The following CCDC15 variants were observed in gnomAD, a reference collection of about 807,000 sequenced individuals.
CCDC15 encodes the protein coiled-coil domain-containing protein 15.
CCDC15 carries 105 observed loss-of-function variants against 114.5 expected under a neutral mutation model. The observed-to-expected ratio is 0.92, with a 90% confidence interval of 0.78 to 1.08. The LOEUF is 1.08. Ranked by LOEUF, CCDC15 falls within the 50% of genes least tolerant of loss-of-function variation. The probability of loss-of-function intolerance (pLI) is 0.00; values close to 1 mark genes in which losing one functional copy is unlikely to be tolerated. For synonymous variants in CCDC15, 334 were observed against 377.8 expected (o/e 0.88, Z 1.34); for missense variants, 1,105 against 1,093.6 (o/e 1.01, Z -0.15).
At position 124,959,073 on chromosome 11, in the gene CCDC15, C is replaced by T. The variant is rs193251889; in HGVS notation, c.178-42C>T. ...TTTAAAACAGCCCTAATGGACAAAACTGCTAACATTTAAGTTCATTTTCTG... is the reference window on the plus strand; with the variant it reads ...TTTAAAACAGCCCTAATGGACAAAATTGCTAACATTTAAGTTCATTTTCTG... On this transcript the variant is annotated intron_variant, in intron 2 of 15. Coordinates refer to ENST00000344762, the MANE Select transcript of CCDC15 (RefSeq NM_025004.3). The T allele has an allele frequency of 2.2e-4, 314 of 1,438,114 alleles. 2 individuals carry two copies. The East Asian group carries it at 6.7e-3, about 31-fold the overall frequency. The allele number at this position is 1,438,114 out of a possible 1,614,324, so 89.1% of individuals were successfully genotyped here. A position where few individuals can be genotyped will look rare whatever the true frequency, so the allele number is the denominator to read the frequency against.
rs188194699 is a variant in CCDC15, at chr11:124,993,978, G to A, written c.2214+735G>A. 5.3e-3 allele frequency among the ~76,000 whole-genome samples: 802 copies of A among 152,292 alleles called. 6 individuals are homozygous for A. The highest frequency in any genetic ancestry group is 0.018 in the African/African-American group (747 of 41,554). ...GAAATTGAAGATTGCTTCGCAGGTA[G>A]AGTTAAGATCCAGAATGGTGACAAG... On this transcript the variant is annotated intron_variant, in intron 11 of 15. Transcript: ENST00000344762.
chr11:125,015,725 C>G (rs1948624762), intron 13 of CCDC15, among the ~76,000 whole-genome samples: 1 of 152,274 alleles, frequency 6.6e-6, no homozygotes, highest in Middle Eastern at 3.4e-3. Flanking sequence ...TGGAATATTT[C>G]TCAAATAAAG....
intron 13 of CCDC15, among the ~76,000 whole-genome samples, chr11:125,037,823 C>T (rs1434563533): frequency 2.6e-5 from 4 of 151,904 alleles, no homozygotes; most frequent in Non-Finnish European, 4.4e-5. Flanking sequence ...AGGGCAAATG[C>T]GGTCCCTGTT....
At chr11:124,989,534 T>A (rs1284699558) in intron 8 of CCDC15, among the ~76,000 whole-genome samples, 1 of 152,230 alleles carries the variant, frequency 6.6e-6, no homozygotes, top group Admixed American at 6.5e-5. Flanking sequence ...AGCCAGACAT[T>A]GACTTTTTCT....
At chr11:124,966,569 A>G (rs1262099620) in intron 4 of CCDC15, among the ~76,000 whole-genome samples, 2 of 152,020 alleles carry the variant, frequency 1.3e-5, no homozygotes, top group Non-Finnish European at 1.5e-5. Flanking sequence ...TGAATATAGC[A>G]CACTGATGGT....
intron 13 of CCDC15, among the ~76,000 whole-genome samples, chr11:125,024,427 T>C (rs1948681629): frequency 6.6e-6 from 1 of 152,136 alleles, no homozygotes; most frequent in Non-Finnish European, 1.5e-5. Flanking sequence ...ATTGAAATCT[T>C]AGCAATATTG....
rs201881820 is a variant in CCDC15, at chr11:124,954,917, T to C, written c.177+8T>C. The C allele has an allele frequency of 2.9e-4, 468 of 1,613,334 alleles. 3 individuals are homozygous for C. The Middle Eastern group carries it at 5.9e-3, about 20-fold the overall frequency. ...TCGGAAATCCCAGCATATGTGAGTG[T>C]CAGTTTGATCCAAATATGGTGGGGT... On this transcript the variant is annotated splice_region_variant and intron_variant, in intron 2 of 15. Coordinates refer to ENST00000344762, the MANE Select transcript of CCDC15 (RefSeq NM_025004.3).
intron 13 of CCDC15, among the ~76,000 whole-genome samples, chr11:125,032,597 C>T (rs1187826374): frequency 1.3e-5 from 2 of 152,184 alleles, no homozygotes; most frequent in Non-Finnish European, 1.5e-5. Context: ...GCAATTCCTC[C>T]AGGGATGCAA....
chr11:124,997,362 C>G (rs1948390885), intron 11 of CCDC15, among the ~76,000 whole-genome samples: 1 of 152,184 alleles, frequency 6.6e-6, no homozygotes, highest in South Asian at 2.1e-4. Flanking sequence ...ACAATCATAG[C>G]TCACTGAAGC....
chr11:125,040,950 C>A lies in CCDC15; in HGVS notation c.*239C>A. 1 of 444,344 alleles carries A rather than the reference C, an allele frequency of 2.3e-6. No individual in the cohort carries two copies. The highest frequency in any genetic ancestry group is 4.0e-6 in the Non-Finnish European group (1 of 248,568). 27.5% of individuals were successfully genotyped at this position (444,344 alleles called of 1,614,324 possible). A position where few individuals can be genotyped will look rare whatever the true frequency, so the allele number is the denominator to read the frequency against. The stretch of plus-strand genomic sequence containing the variant: ...GGAGCCTATTATTTTAAAATATGAT[C>A]AGACAAGTAAGGCTTCTCTTACTTT... On this transcript the variant is annotated 3_prime_UTR_variant, in exon 16 of 16. Coordinates refer to ENST00000344762, the MANE Select transcript of CCDC15 (RefSeq NM_025004.3).
At chr11:125,035,736 G>A (rs1948770609) in intron 13 of CCDC15, among the ~76,000 whole-genome samples, 1 of 151,934 alleles carries the variant, frequency 6.6e-6, no homozygotes, top group Non-Finnish European at 1.5e-5. Context: ...TGTGTTATCT[G>A]TTGTATGTTT....
intron 3 of CCDC15, 105 bp downstream of exon 3, chr11:124,959,369 A>G: frequency 2.2e-6 from 2 of 918,338 alleles, no homozygotes; most frequent in Non-Finnish European, 3.2e-6. Context: ...TTACATGCCT[A>G]ATATAATCTA....
intron 4 of CCDC15, among the ~76,000 whole-genome samples, chr11:124,970,760 AAC>A (rs1216847068): frequency 6.6e-6 from 1 of 152,216 alleles, no homozygotes; most frequent in African/African-American, 2.4e-5. Flanking sequence ...AGAAAATATG[AAC>A]AGTGTCCTAG....
intron 2 of CCDC15, among the ~76,000 whole-genome samples, chr11:124,955,539 C>G (rs1035800361): frequency 1.2e-4 from 19 of 152,154 alleles, no homozygotes; most frequent in African/African-American, 3.9e-4. Flanking sequence ...AGTGTGAGCT[C>G]CTTGAGCGTA....
intron 13 of CCDC15, among the ~76,000 whole-genome samples, chr11:125,020,021 C>T (rs1336054941): frequency 2.0e-5 from 3 of 151,868 alleles, no homozygotes; most frequent in Non-Finnish European, 4.4e-5. Context: ...AGTCACCCTA[C>T]TCTGCTATGA....
chr11:124,980,834 GTTCTTCTAGT>G (rs1476031746), intron 6 of CCDC15, among the ~76,000 whole-genome samples: 1 of 152,032 alleles, frequency 6.6e-6, no homozygotes, highest in Non-Finnish European at 1.5e-5. Flanking sequence ...TGTTTCTCTA[GTTCTTCTAGT>G]TTGATGTTAG....
At position 124,987,938 on chromosome 11, in the gene CCDC15, C is replaced by T; in HGVS notation, c.1712C>T (p.Pro571Leu). Residue 571 changes from proline to leucine, a missense_variant, in exon 8 of 16, where the codon CCC becomes CTC. Pro to Leu is a moderately conservative substitution (Grantham distance 98). Transcript: ENST00000344762. ...DFLPRDQGVLPKDQNILPICQ... is the reference protein window; with the variant it reads ...DFLPRDQGVLLKDQNILPICQ... ...CTACCCAGAGACCAAGGTGTTCTTC[C>T]CAAAGACCAAAATATTCTACCCATA... 6.2e-7 allele frequency: 1 copy of T among 1,613,898 alleles called. No homozygotes were observed. Among genetic ancestry groups the T allele is most frequent in the African/African-American group, 1.3e-5 (1 of 75,004 alleles).
chr11:125,000,352 G>T (rs1322497690), intron 11 of CCDC15, among the ~76,000 whole-genome samples: 1 of 152,074 alleles, frequency 6.6e-6, no homozygotes, highest in Non-Finnish European at 1.5e-5. Context: ...TACTCCTATA[G>T]GTCTGTCCCA....
chr11:125,025,067 AATATATGAAT>A lies in CCDC15; in HGVS notation c.2412-13347_2412-13338del, dbSNP rs1435949685. 3.6e-4 allele frequency among the ~76,000 whole-genome samples: 41 copies of A among 115,110 alleles called. 1 individual carries two copies. Among genetic ancestry groups the A allele is most frequent in the Admixed American group, 2.8e-3 (33 of 11,590 alleles). The allele number at this position is 115,110 out of a possible 152,430, so 75.5% of individuals were successfully genotyped here. ...ATGAATATATATGAATATATATATG[AATATATGAAT>A]ATATATGAATATATATATGAATATA... On this transcript the variant is annotated intron_variant, in intron 13 of 15. Transcript: ENST00000344762.
Sources: gnomAD v4.1 joint callset for allele counts (sites outside exome capture counted in the v4.1 genomes callset) on GRCh38, gnomAD v4.1.1 for gene constraint, MANE v1.5 for transcripts, NCBI Gene and HGNC (gene_info 2026-07-23, HGNC 2026-07-21) for gene names.